PSD3: variants seen among roughly 807,000 people sequenced by gnomAD.
PSD3 encodes PH and SEC7 domain-containing protein 3.
Under a neutral mutation model 105.5 loss-of-function variants are expected in PSD3, and 49 were observed. The observed-to-expected ratio is 0.46, with a 90% CI of 0.37 to 0.59. PSD3 has a LOEUF of 0.59. Among genes scored for constraint, PSD3 ranks in the 20% least tolerant of loss-of-function variants. PSD3 has a pLI of 0.00. For missense variants in PSD3, 1,561 were observed against 1,263.8 expected (o/e 1.24, Z -3.57); for synonymous variants, 557 against 457.8 (o/e 1.22, Z -2.77).
Position 18,541,421 on chromosome 8 carries a change from T to C in PSD3, c.2929-5463A>G, listed in dbSNP as rs780015128. On this transcript the variant is annotated intron_variant, in intron 15 of 15. Coordinates refer to ENST00000327040, the MANE Select transcript of PSD3 (RefSeq NM_015310.4). ...CACGGATACCCACGTTGATGGCAGA[T>C]GCCTGATGTGTTCCTAATTCAGGAT... Among the ~76,000 whole-genome samples the C allele has an allele frequency of 6.2e-4, 94 of 152,304 alleles. 1 individual carries two copies. Among genetic ancestry groups the C allele is most frequent in the Non-Finnish European group, 1.6e-4 (11 of 68,022 alleles).
rs533200998 is a variant in PSD3, at chr8:18,915,094, G to GC, written c.130+20939_130+20940insG. 2.8e-3 allele frequency among the ~76,000 whole-genome samples: 418 copies of GC among 151,984 alleles called. 1 individual carries two copies. Among genetic ancestry groups the GC allele is most frequent in the South Asian group, 0.013 (62 of 4,796 alleles). Reference sequence around the variant, plus strand: ...GACAAAGGTATCAAGGACACACAATGGGGAAAGAACATCAATGAACAGTGC... The same window carrying GC: ...GACAAAGGTATCAAGGACACACAATGCGGGAAAGAACATCAATGAACAGTGC... On this transcript the variant is annotated intron_variant, in intron 2 of 15. Coordinates refer to ENST00000327040, the MANE Select transcript of PSD3 (RefSeq NM_015310.4).
At chr8:18,842,491 G>T (rs777726232) in intron 4 of PSD3, among the ~76,000 whole-genome samples, 7 of 152,056 alleles carry the variant, frequency 4.6e-5, no homozygotes, top group Non-Finnish European at 1.0e-4. Flanking sequence ...CCCAGCACTC[G>T]GGGAGTCCGA....
chr8:18,664,559 A>C (rs1489504229), intron 9 of PSD3, among the ~76,000 whole-genome samples: 1 of 152,264 alleles, frequency 6.6e-6, no homozygotes, highest in Non-Finnish European at 1.5e-5. Flanking sequence ...ATAAAAGTCC[A>C]AGGTAAAGCT....
intron 1 of PSD3, among the ~76,000 whole-genome samples, chr8:19,059,741 A>T (rs1828833487): frequency 6.6e-6 from 1 of 152,246 alleles, no homozygotes; most frequent in Non-Finnish European, 1.5e-5. Flanking sequence ...TGTAAAGATA[A>T]AGGAGACAGG....
At chr8:19,007,222 A>C (rs1307579961) in intron 1 of PSD3, among the ~76,000 whole-genome samples, 1 of 151,328 alleles carries the variant, frequency 6.6e-6, no homozygotes, top group Non-Finnish European at 1.5e-5. Flanking sequence ...ACTGCACTCC[A>C]GCCTTGGCGA....
At chr8:18,802,916 T>A (rs921954306) in intron 6 of PSD3, among the ~76,000 whole-genome samples, 4 of 152,214 alleles carry the variant, frequency 2.6e-5, no homozygotes, top group Non-Finnish European at 4.4e-5. Flanking sequence ...GCAAACAGTT[T>A]TATAGATACT....
intron 10 of PSD3, among the ~76,000 whole-genome samples, chr8:18,646,864 C>A (rs938570887): frequency 5.3e-5 from 8 of 152,096 alleles, no homozygotes; most frequent in Non-Finnish European, 8.8e-5. Context: ...CCCTAGAAGG[C>A]TTCTTTACTC....
At chr8:18,902,296 T>A (rs1283716117) in intron 2 of PSD3, among the ~76,000 whole-genome samples, 2 of 152,224 alleles carry the variant, frequency 1.3e-5, no homozygotes, top group Non-Finnish European at 2.9e-5. Context: ...TGTATTTTTT[T>A]ATTTCACTGA....
At chr8:18,949,244 A>AAAAAAAAAAAAAAAAAAATAT (rs1345423514) in intron 1 of PSD3, among the ~76,000 whole-genome samples, 1 of 14,404 alleles carries the variant, frequency 6.9e-5, no homozygotes, top group Non-Finnish European at 1.8e-4. Context: ...AAAAAAAAAA[A>AAAAAAAAAAAAAAAAAAATAT]ATATATATAT....
At chr8:18,879,039 CACACACACACAA>C (rs1456406570) in intron 2 of PSD3, among the ~76,000 whole-genome samples, 1 of 144,754 alleles carries the variant, frequency 6.9e-6, no homozygotes. Context: ...AACAAACAAA[CACACACACACAA>C]ACACACACAC....
intron 2 of PSD3, among the ~76,000 whole-genome samples, chr8:18,917,812 C>T (rs1223008557): frequency 1.3e-5 from 2 of 152,140 alleles, no homozygotes; most frequent in African/African-American, 4.8e-5. Context: ...GTAGCCAGGA[C>T]CTGCAACACC....
chr8:18,857,839 T>G (rs888869167), intron 4 of PSD3, among the ~76,000 whole-genome samples: 4 of 152,190 alleles, frequency 2.6e-5, no homozygotes, highest in African/African-American at 9.6e-5. Context: ...TCAGTGTGTG[T>G]GATTTTTAAG....
At chr8:18,853,227 A>G (rs1272144604) in intron 4 of PSD3, among the ~76,000 whole-genome samples, 1 of 152,202 alleles carries the variant, frequency 6.6e-6, no homozygotes, top group African/African-American at 2.4e-5. Context: ...CATTATAAAA[A>G]TACTGGAAAT....
chr8:19,037,921 G>A (rs1317140088), intron 1 of PSD3, among the ~76,000 whole-genome samples: 1 of 148,634 alleles, frequency 6.7e-6, no homozygotes, highest in Non-Finnish European at 1.5e-5. Flanking sequence ...TAATCATATA[G>A]ATTTTAATAT....
chr8:19,035,071 T>A (rs1420548115), intron 1 of PSD3, among the ~76,000 whole-genome samples: 1 of 152,146 alleles, frequency 6.6e-6, no homozygotes. Flanking sequence ...TTTTTGACTA[T>A]CAGATTCAGT....
intron 1 of PSD3, among the ~76,000 whole-genome samples, chr8:19,025,343 A>G (rs772723507): frequency 2.0e-5 from 3 of 152,166 alleles, no homozygotes; most frequent in Non-Finnish European, 2.9e-5. Context: ...AAAGAAACCC[A>G]TAAAGGTAGA....
At chr8:19,013,457 C>G in intron 1 of PSD3, 106 bp downstream of exon 1, 1 of 1,486,890 alleles carries the variant, frequency 6.7e-7, no homozygotes, top group South Asian at 1.2e-5. Context: ...ACCCAGGTGG[C>G]CCCGGGATCC....
chr8:18,852,446 G>GT (rs1188169644), intron 4 of PSD3, among the ~76,000 whole-genome samples: 7 of 152,208 alleles, frequency 4.6e-5, no homozygotes, highest in African/African-American at 7.2e-5. Context: ...ACAATGGCCA[G>GT]TTTCTGACAG....
At chr8:18,721,583 T>C (rs987739681) in intron 9 of PSD3, among the ~76,000 whole-genome samples, 1 of 152,312 alleles carries the variant, frequency 6.6e-6, no homozygotes, top group Admixed American at 6.5e-5. Context: ...TTAGGTGACA[T>C]GCTCAAGGCC....
Sources: gnomAD v4.1 joint callset for allele counts (sites outside exome capture counted in the v4.1 genomes callset) on GRCh38, gnomAD v4.1.1 for gene constraint, MANE v1.5 for transcripts, NCBI Gene and HGNC (gene_info 2026-07-23, HGNC 2026-07-21) for gene names.